Variants in SEMA3E observed in about 807,000 individuals in gnomAD.
SEMA3E encodes semaphorin 3E.
Under a neutral mutation model 93.6 loss-of-function variants are expected in SEMA3E, and 49 were observed. That is an observed-to-expected ratio of 0.52 (90% CI 0.42 to 0.66). The LOEUF (loss-of-function observed/expected upper bound fraction) is 0.66. Among genes scored for constraint, SEMA3E ranks in the 30% least tolerant of loss-of-function variants. The pLI is 0.00. For synonymous variants in SEMA3E, 363 were observed against 330.7 expected, an observed-to-expected ratio of 1.10 and a Z score of -1.06; for missense variants, 906 against 964.8, an observed-to-expected ratio of 0.94 and a Z score of 0.81.
intron 1 of SEMA3E, among the ~76,000 whole-genome samples, chr7:83,614,581 T>G (rs1014978756): frequency 3.9e-5 from 6 of 152,122 alleles, no homozygotes; most frequent in African/African-American, 1.4e-4. Context: ...AAAATCTTAG[T>G]GGCTTAAAAC....
chr7:83,530,885 A>G (rs1342885195), intron 1 of SEMA3E, among the ~76,000 whole-genome samples: 1 of 152,168 alleles, frequency 6.6e-6, no homozygotes, highest in Non-Finnish European at 1.5e-5. Context: ...TCGGGGGAAA[A>G]AAAAAATTCA....
intron 1 of SEMA3E, among the ~76,000 whole-genome samples, chr7:83,596,975 C>G (rs530072217): frequency 1.3e-5 from 2 of 152,206 alleles, no homozygotes; most frequent in African/African-American, 4.8e-5. Context: ...TACAGTATGC[C>G]CATTTAACAC....
intron 1 of SEMA3E, among the ~76,000 whole-genome samples, chr7:83,628,474 CT>C (rs1793720599): frequency 6.6e-6 from 1 of 151,896 alleles, no homozygotes; most frequent in African/African-American, 2.4e-5. Context: ...TTCTTGGAGG[CT>C]TTTTTCATTC....
intron 4 of SEMA3E, among the ~76,000 whole-genome samples, chr7:83,451,288 G>C (rs944066556): frequency 9.2e-5 from 14 of 151,824 alleles, no homozygotes; most frequent in Admixed American, 9.2e-4. Context: ...TAATACAGGG[G>C]GACTTGCAAA....
rs945486384 is a variant in SEMA3E at position 83,606,540 on chromosome 7, C to T, written c.115+41888G>A. Among the ~76,000 whole-genome samples, 16 of 143,748 alleles carry T rather than the reference C, an allele frequency of 1.1e-4. 1 individual carries two copies. In the South Asian group the frequency reaches 1.3e-3, roughly 12 times the overall value. 94.3% of individuals were successfully genotyped at this position (143,748 alleles called of 152,430 possible). On this transcript the variant is annotated intron_variant, in intron 1 of 16. Transcript: ENST00000643230. ...AAAAACCAAACACCGCATATTCTCA[C>T]GCATAGGTGGGAATTGAACAATGAG...
At chr7:83,541,753 A>C (rs1181018679) in intron 1 of SEMA3E, among the ~76,000 whole-genome samples, 1 of 152,124 alleles carries the variant, frequency 6.6e-6, no homozygotes, top group African/African-American at 2.4e-5. Flanking sequence ...AGAGGATAGC[A>C]TGACTCTGAT....
intron 16 of SEMA3E, among the ~76,000 whole-genome samples, chr7:83,369,974 T>C (rs749621281): frequency 6.6e-6 from 1 of 152,136 alleles, no homozygotes; most frequent in Non-Finnish European, 1.5e-5. Flanking sequence ...TCTGCCTCCT[T>C]AAACATCTTT....
intron 1 of SEMA3E, among the ~76,000 whole-genome samples, chr7:83,596,385 C>G (rs908484230): frequency 6.6e-6 from 1 of 152,002 alleles, no homozygotes; most frequent in Non-Finnish European, 1.5e-5. Flanking sequence ...AGAACGATAT[C>G]CACTGGATAT....
intron 1 of SEMA3E, among the ~76,000 whole-genome samples, chr7:83,513,246 G>A (rs1385202794): frequency 1.3e-5 from 2 of 152,050 alleles, no homozygotes; most frequent in African/African-American, 4.8e-5. Flanking sequence ...GTCAGTTTTG[G>A]CTCAAAATCA....
intron 2 of SEMA3E, among the ~76,000 whole-genome samples, chr7:83,482,685 A>T (rs918254526): frequency 6.6e-6 from 1 of 152,108 alleles, no homozygotes; most frequent in African/African-American, 2.4e-5. Flanking sequence ...ACATCTTCAA[A>T]GATGAACATA....
chr7:83,396,824 C>T lies in SEMA3E; in HGVS notation c.1367-95G>A, dbSNP rs145078875. The stretch of plus-strand genomic sequence containing the variant: ...GCTGGCTGGGTGCAGTAGCTCATGC[C>T]TGTAATCACTTTGGGAGGCCAAGAT... On this transcript the variant is annotated intron_variant, in intron 11 of 16. Transcript: ENST00000643230. 8,292 of 790,716 alleles carry T rather than the reference C, an allele frequency of 0.01. 82 individuals are homozygous for T. Among genetic ancestry groups the T allele is most frequent in the Non-Finnish European group, 0.014 (6,387 of 469,448 alleles). 49.0% of individuals were successfully genotyped at this position (790,716 alleles called of 1,614,324 possible).
chr7:83,517,095 T>C (rs1790944630), intron 1 of SEMA3E, among the ~76,000 whole-genome samples: 1 of 152,156 alleles, frequency 6.6e-6, no homozygotes, highest in Non-Finnish European at 1.5e-5. Flanking sequence ...AGTATTCCTA[T>C]ACCAAGTCGA....
chr7:83,404,445 C>T (rs1788288870), intron 9 of SEMA3E, among the ~76,000 whole-genome samples: 1 of 151,852 alleles, frequency 6.6e-6, no homozygotes, highest in Non-Finnish European at 1.5e-5. Flanking sequence ...TAATATTATT[C>T]TAGCCCTGTC....
At chr7:83,439,509 A>T (rs1163343408) in intron 4 of SEMA3E, among the ~76,000 whole-genome samples, 33 of 152,216 alleles carry the variant, frequency 2.2e-4, no homozygotes, top group Admixed American at 2.2e-3. Context: ...GAGAGGAGAA[A>T]ATGTACCTAT....
intron 1 of SEMA3E, among the ~76,000 whole-genome samples, chr7:83,622,567 C>T (rs1362236568): frequency 6.6e-6 from 1 of 152,066 alleles, no homozygotes; most frequent in Non-Finnish European, 1.5e-5. Flanking sequence ...ATAGCAAAGA[C>T]ATGGAATCAA....
At chr7:83,632,158 A>C (rs1419360752) in intron 1 of SEMA3E, among the ~76,000 whole-genome samples, 2 of 151,210 alleles carry the variant, frequency 1.3e-5, no homozygotes, top group Non-Finnish European at 3.0e-5. Flanking sequence ...TCCATCTCAA[A>C]AAAAAAAAAA....
At chr7:83,604,242 A>G (rs931176678) in intron 1 of SEMA3E, among the ~76,000 whole-genome samples, 1 of 152,040 alleles carries the variant, frequency 6.6e-6, no homozygotes, top group Non-Finnish European at 1.5e-5. Flanking sequence ...AGTAAAACGC[A>G]TATACAGAGA....
intron 4 of SEMA3E, among the ~76,000 whole-genome samples, chr7:83,430,090 T>C (rs944585561): frequency 2.0e-5 from 3 of 152,138 alleles, no homozygotes; most frequent in Non-Finnish European, 4.4e-5. Context: ...ATATTGAATA[T>C]AGGAAGTATG....
intron 2 of SEMA3E, among the ~76,000 whole-genome samples, chr7:83,488,106 A>G (rs1790303981): frequency 1.3e-5 from 2 of 151,966 alleles, no homozygotes; most frequent in African/African-American, 4.8e-5. Flanking sequence ...TTAGAAGCCT[A>G]GAGAGTGAGA....
Sources: gnomAD v4.1 joint callset for allele counts (sites outside exome capture counted in the v4.1 genomes callset) on GRCh38, gnomAD v4.1.1 for gene constraint, MANE v1.5 for transcripts, NCBI Gene and HGNC (gene_info 2026-07-23, HGNC 2026-07-21) for gene names.